The following DUS1L variants were observed in gnomAD, a reference collection of about 807,000 sequenced individuals.
DUS1L encodes the protein tRNA-dihydrouridine(16/17) synthase [NAD(P)(+)]-like.
Under a neutral mutation model 61.2 loss-of-function variants are expected in DUS1L, and 56 were observed. That is an observed-to-expected ratio of 0.92 (90% CI 0.74 to 1.14). DUS1L has a LOEUF of 1.14. Ranked by LOEUF, DUS1L falls within the 50% of genes most tolerant of loss-of-function variation. The pLI, the probability that DUS1L is intolerant of heterozygous loss-of-function variation, is 0.00. For synonymous variants in DUS1L, 278 were observed against 259.5 expected (o/e 1.07, Z -0.69); for missense variants, 630 against 632.4 (o/e 1.00, Z 0.04).
chr17:82,058,707 C>T lies in DUS1L; in HGVS notation c.1206+74G>A, dbSNP rs563952657. 5.0e-6 allele frequency: 8 copies of T among 1,599,438 alleles called. No individual in the cohort carries two copies. In the East Asian group the frequency reaches 6.7e-5, roughly 13 times the overall value. On this transcript the variant is annotated intron_variant, in intron 12 of 13. Transcript: ENST00000306796. ...CTGGGCGGGCACCAGACCTGCCACC[C>T]CAAGCAGTGCAGAGACCACCCTGCC...
At position 82,061,663 on chromosome 17, in the gene DUS1L, C is replaced by G. The variant is rs765152206; in HGVS notation, c.652G>C (p.Glu218Gln). Residue 218 changes from glutamate to glutamine, a missense_variant, in exon 7 of 14, where the codon GAG becomes CAG. Coordinates refer to ENST00000306796, the MANE Select transcript of DUS1L (RefSeq NM_022156.5). ...ACACCCGTGTCCCGGAGGCAGCGCT[C>G]CACGTCCTGCAGGCACTGGATGTTC... ...NGNIQCLQDV[E>Q]RCLRDTGVQG... is the part of the protein sequence containing the mutation. 3 of 1,612,986 alleles carry G rather than the reference C, an allele frequency of 1.9e-6. No individual in the cohort carries two copies. The highest frequency in any genetic ancestry group is 2.2e-5 in the East Asian group (1 of 44,890).
At position 82,062,978 on chromosome 17, in the gene DUS1L, G is replaced by T; in HGVS notation, c.398-5C>A. The T allele has an allele frequency of 6.2e-7, 1 of 1,610,998 alleles. No homozygotes were observed. Among genetic ancestry groups the T allele is most frequent in the Admixed American group, 1.7e-5 (1 of 60,018 alleles). On this transcript the variant is annotated splice_polypyrimidine_tract_variant and splice_region_variant and intron_variant, in intron 4 of 13. Coordinates refer to ENST00000306796, the MANE Select transcript of DUS1L (RefSeq NM_022156.5). ...GTTTCTCGTGGGCCAGCAAAACTGG[G>T]GAGAAGAGAGGCAGCTTCTGAGGGG... is the stretch of plus-strand genomic sequence containing the variant.
chr17:82,064,163 G>T lies in DUS1L; in HGVS notation c.309C>A (p.Asp103Glu). Residue 103 changes from aspartate (D) to glutamate (E), a missense_variant, in exon 3 of 14, where the codon GAC (aspartate) becomes GAA (glutamate). Asp to Glu is a conservative substitution (Grantham distance 45). Transcript: ENST00000306796. ...TCATCTGTGGGCAGCCCAAGTTCAG[G>T]TCAATGGCGTCACAGTAATCCTGAG... Reference protein sequence around the residue: ...LLAQDYCDAIDLNLGCPQMIA... With the variant: ...LLAQDYCDAIELNLGCPQMIA... 2.5e-6 allele frequency: 4 copies of T among 1,612,870 alleles called. No individual in the cohort carries two copies. Among genetic ancestry groups the T allele is most frequent in the Non-Finnish European group, 3.4e-6 (4 of 1,179,880 alleles).
At chr17:82,063,338 A>G (rs1598558818) in intron 4 of DUS1L, 130 bp downstream of exon 4, 1 of 1,277,092 alleles carries the variant, frequency 7.8e-7, no homozygotes, top group South Asian at 1.3e-5. Flanking sequence ...TGTGGGCAGG[A>G]AGCCCCAGGG....
In DUS1L at chr17:82,059,154, T is replaced by C; in HGVS notation, c.1169-336A>G. 3 of 303,496 alleles carry C rather than the reference T, an allele frequency of 9.9e-6. No individual in the cohort carries two copies. The South Asian group carries it at 1.8e-4, about 18-fold the overall frequency. The allele number at this position is 303,496 out of a possible 1,614,324, so 18.8% of individuals were successfully genotyped here. Reference sequence around the variant, plus strand: ...TCCTGCCCACAGGGTCCAAGGGGGGTTCCATGCCCTTCAGTTCCAGGTCTC... The same window carrying C: ...TCCTGCCCACAGGGTCCAAGGGGGGCTCCATGCCCTTCAGTTCCAGGTCTC... On this transcript the variant is annotated intron_variant, in intron 11 of 13. Coordinates refer to ENST00000306796, the MANE Select transcript of DUS1L (RefSeq NM_022156.5).
At chr17:82,065,176 G>T (rs2033711757) in intron 1 of DUS1L, 107 bp from the exon 2 acceptor site, 2 of 978,874 alleles carry the variant, frequency 2.0e-6, no homozygotes, top group African/African-American at 1.6e-5. Flanking sequence ...TACCACCGTT[G>T]GGTCACACGC....
At chr17:82,062,213 G>A (rs1434612158) in intron 5 of DUS1L, among the ~76,000 whole-genome samples, 1 of 152,194 alleles carries the variant, frequency 6.6e-6, no homozygotes, top group Non-Finnish European at 1.5e-5. Context: ...TCTGCACTCT[G>A]TGGGAACCTC....
rs2033244247 is a variant in DUS1L, at chr17:82,058,822, G to C, written c.1169-4C>G. 6.2e-7 allele frequency: 1 copy of C among 1,612,852 alleles called. No individual in the cohort carries two copies. The highest frequency in any genetic ancestry group is 8.5e-7 in the Non-Finnish European group (1 of 1,179,464). ...TGGTCACACTTTGCATATTTTGCTAGGAAAAGAACAAAAGGGTGCTGGTGA... is the reference window on the plus strand; with the variant it reads ...TGGTCACACTTTGCATATTTTGCTACGAAAAGAACAAAAGGGTGCTGGTGA... On this transcript the variant is annotated splice_polypyrimidine_tract_variant and splice_region_variant and intron_variant, in intron 11 of 13. Coordinates refer to ENST00000306796, the MANE Select transcript of DUS1L (RefSeq NM_022156.5).
chr17:82,063,617 C>A, intron 3 of DUS1L, 99 bp from the exon 4 acceptor site: 3 of 1,472,942 alleles, frequency 2.0e-6, no homozygotes, highest in Non-Finnish European at 1.9e-6. Flanking sequence ...CCACGCAGGC[C>A]AGGAGCTGCC....
rs776475087 is a variant in DUS1L, at chr17:82,061,724, G to A, written c.594-3C>T. ...ACACAGGGATGGCCACAGCCTTCCT[G>A]TTGGCAGAGAAATGCCTGTTTCCAC... On this transcript the variant is annotated splice_region_variant and splice_polypyrimidine_tract_variant and intron_variant, in intron 6 of 13. Transcript: ENST00000306796. 7 of 1,612,682 alleles carry A rather than the reference G, an allele frequency of 4.3e-6. No individual in the cohort carries two copies. Among genetic ancestry groups the A allele is most frequent in the Non-Finnish European group, 5.9e-6 (7 of 1,179,798 alleles).
intron 12 of DUS1L, 30 bp downstream of exon 12, chr17:82,058,751 C>T: frequency 1.9e-6 from 3 of 1,613,108 alleles, no homozygotes; most frequent in Non-Finnish European, 2.5e-6. Flanking sequence ...AAGCTGAAGC[C>T]TTGGTGGCTT....
intron 1 of DUS1L, 188 bp from the exon 2 acceptor site, chr17:82,065,257 C>G: frequency 1.8e-6 from 1 of 562,634 alleles, no homozygotes; most frequent in Non-Finnish European, 3.1e-6. Context: ...TCCTAGCGGA[C>G]CTCGGGGGAG....
At chr17:82,061,565 T>A (rs1391529584) in intron 7 of DUS1L, 53 bp downstream of exon 7, 1 of 1,562,652 alleles carries the variant, frequency 6.4e-7, no homozygotes, top group Non-Finnish European at 8.7e-7. Context: ...ACCTGGGCGG[T>A]GGTATCAGGC....
intron 10 of DUS1L, 143 bp downstream of exon 10, chr17:82,060,558 G>C (rs905342211): frequency 4.5e-6 from 5 of 1,103,880 alleles, no homozygotes; most frequent in Non-Finnish European, 5.1e-6. Context: ...GCTCGGAGCC[G>C]AGGCCTCCCT....
rs750909173 is a variant in DUS1L at position 82,061,274 on chromosome 17, G to C, written c.777C>G (p.Ile259Met). The change falls in exon 8 of 14, where the codon ATC becomes ATG. Residue 259 changes from isoleucine (I) to methionine (M), a missense_variant. Physicochemically the swap from Ile to Met is conservative, Grantham distance 10 (BLOSUM62 1). Coordinates refer to ENST00000306796, the MANE Select transcript of DUS1L (RefSeq NM_022156.5). Reference protein sequence around the residue: ...VWELAEEYLDIVREHPCPLSY... With the variant: ...VWELAEEYLDMVREHPCPLSY... ...ACAGGGGGCAGGGGTGCTCCCGCAC[G>C]ATGTCCAGATACTCCTCGGCCAGCT... 2 of 1,611,158 alleles carry C rather than the reference G, an allele frequency of 1.2e-6. No homozygotes were observed. Among genetic ancestry groups the C allele is most frequent in the South Asian group, 2.2e-5 (2 of 90,896 alleles).
At chr17:82,065,244 A>C (rs1598562678) in intron 1 of DUS1L, 175 bp from the exon 2 acceptor site, 2 of 575,708 alleles carry the variant, frequency 3.5e-6, no homozygotes, top group East Asian at 3.0e-5. Flanking sequence ...CAGTGCCGCC[A>C]CCTCCTAGCG....
At chr17:82,058,501 A>G (rs1455261486) in intron 12 of DUS1L, 85 bp from the exon 13 acceptor site, 20 of 1,469,940 alleles carry the variant, frequency 1.4e-5, no homozygotes, top group Non-Finnish European at 1.7e-5. Context: ...CCACTGGGGA[A>G]GCCTCTGCCA....
intron 12 of DUS1L, 165 bp from the exon 13 acceptor site, chr17:82,058,581 A>G: frequency 1.4e-6 from 2 of 1,452,178 alleles, no homozygotes; most frequent in East Asian, 2.4e-5. Context: ...ACCCCCACCC[A>G]CCCAGACTCT....
In DUS1L at chr17:82,064,087, C is replaced by T. The variant is rs545002562; in HGVS notation, c.346+39G>A. 38 of 1,574,418 alleles carry T rather than the reference C, an allele frequency of 2.4e-5. No homozygotes were observed. In the South Asian group the frequency reaches 4.0e-4, roughly 17 times the overall value. On this transcript the variant is annotated intron_variant, in intron 3 of 13. Coordinates refer to ENST00000306796, the MANE Select transcript of DUS1L (RefSeq NM_022156.5). ...GGGGCTGCACTGAGCTGGCTCTGGC[C>T]CCTGCCCCAGGTGCCCCCATGCTCC... is the stretch of plus-strand genomic sequence containing the variant.
Sources: gnomAD v4.1 joint callset for allele counts (sites outside exome capture counted in the v4.1 genomes callset) on GRCh38, gnomAD v4.1.1 for gene constraint, MANE v1.5 for transcripts, NCBI Gene and HGNC (gene_info 2026-07-23, HGNC 2026-07-21) for gene names.